The following CDKAL1 variants were observed in gnomAD, a reference collection of about 807,000 sequenced individuals.
CDKAL1 encodes the protein threonylcarbamoyladenosine tRNA methylthiotransferase.
Under a neutral mutation model 68.2 loss-of-function variants are expected in CDKAL1, and 32 were observed. That is an observed-to-expected ratio of 0.47 (90% confidence interval 0.35 to 0.63). The LOEUF is 0.63. CDKAL1 is among the 30% of genes least tolerant of loss of function. The pLI, the probability that CDKAL1 is intolerant of heterozygous loss-of-function variation, is 0.00. For missense variants in CDKAL1, 606 were observed against 696.7 expected, an observed-to-expected ratio of 0.87 and a Z score of 1.47; for synonymous variants, 234 against 244.3, an observed-to-expected ratio of 0.96 and a Z score of 0.39.
intron 4 of CDKAL1, among the ~76,000 whole-genome samples, chr6:20,571,001 C>T (rs569435231): frequency 6.6e-6 from 1 of 152,224 alleles, no homozygotes; most frequent in South Asian, 2.1e-4. Context: ...ATATATTCTG[C>T]TGTGGGGATT....
chr6:20,603,768 ATT>A (rs745786047), intron 4 of CDKAL1, among the ~76,000 whole-genome samples: 5,803 of 84,516 alleles, frequency 0.069, 66 homozygotes, highest in Middle Eastern at 0.13. Flanking sequence ...CAGTTGCTAA[ATT>A]TTTTTTTTTT....
intron 4 of CDKAL1, among the ~76,000 whole-genome samples, chr6:20,611,244 G>A (rs1411113593): frequency 6.6e-6 from 1 of 152,022 alleles, no homozygotes; most frequent in Non-Finnish European, 1.5e-5. Flanking sequence ...CTGAGGTTTC[G>A]TGTCTTAGCC....
chr6:20,541,039 A>G (rs1404543695), intron 2 of CDKAL1, among the ~76,000 whole-genome samples: 1 of 152,190 alleles, frequency 6.6e-6, no homozygotes, highest in East Asian at 1.9e-4. Flanking sequence ...CATCCTGGAA[A>G]CTAGTGCAAT....
At chr6:20,907,128 T>C (rs2150612831) in intron 9 of CDKAL1, among the ~76,000 whole-genome samples, 1 of 152,276 alleles carries the variant, frequency 6.6e-6, no homozygotes, top group East Asian at 1.9e-4. Flanking sequence ...TTTGGCAAGA[T>C]GAAAAAGTTC....
rs1046492456 is a variant in CDKAL1 at position 21,206,538 on chromosome 6, A to C, written c.1548+5264A>C. Among the ~76,000 whole-genome samples the C allele has an allele frequency of 3.0e-4, 45 of 152,244 alleles. 2 individuals are homozygous for C. Among genetic ancestry groups the C allele is most frequent in the Non-Finnish European group, 8.8e-5 (6 of 68,046 alleles). ...AACTATTCTTTGCCTGGTACGAGAT[A>C]GAAAAGAACATTTTCTCTTCTAATT... On this transcript the variant is annotated intron_variant, in intron 15 of 15. Coordinates refer to ENST00000274695, the MANE Select transcript of CDKAL1 (RefSeq NM_017774.3).
chr6:21,038,864 TTTCTC>T (rs1226405426), intron 11 of CDKAL1, among the ~76,000 whole-genome samples: 4 of 152,220 alleles, frequency 2.6e-5, no homozygotes, highest in African/African-American at 7.2e-5. Flanking sequence ...AATTTTTACT[TTTCTC>T]ATCTATGAAT....
intron 7 of CDKAL1, among the ~76,000 whole-genome samples, chr6:20,763,574 T>C (rs1253297111): frequency 6.6e-6 from 1 of 152,196 alleles, no homozygotes; most frequent in Non-Finnish European, 1.5e-5. Context: ...ACCCTCTTGT[T>C]TCCACATTTG....
At chr6:20,703,797 A>C (rs1360027747) in intron 5 of CDKAL1, among the ~76,000 whole-genome samples, 1 of 152,300 alleles carries the variant, frequency 6.6e-6, no homozygotes, top group South Asian at 2.1e-4. Context: ...TAGTAAGTGT[A>C]AAAACATGAT....
chr6:20,721,108 C>G (rs1435189509), intron 5 of CDKAL1, among the ~76,000 whole-genome samples: 1 of 133,072 alleles, frequency 7.5e-6, no homozygotes, highest in Non-Finnish European at 1.6e-5. Flanking sequence ...CTATCCCACC[C>G]CCCTCCCCCT....
intron 4 of CDKAL1, among the ~76,000 whole-genome samples, chr6:20,554,037 C>G (rs1042558658): frequency 2.0e-5 from 3 of 152,216 alleles, no homozygotes; most frequent in Admixed American, 2.0e-4. Context: ...CCAGACTGGT[C>G]TAACTCCTGG....
chr6:21,226,344 ATTACT>A (rs1055715296), intron 15 of CDKAL1, among the ~76,000 whole-genome samples: 1 of 145,656 alleles, frequency 6.9e-6, no homozygotes, highest in Admixed American at 7.0e-5. Flanking sequence ...TAACAGATTG[ATTACT>A]TTGATAGGAT....
chr6:20,842,603 G>A (rs375720361), intron 8 of CDKAL1, among the ~76,000 whole-genome samples: 4 of 152,168 alleles, frequency 2.6e-5, no homozygotes, highest in Non-Finnish European at 5.9e-5. Flanking sequence ...AGGCCAAGGC[G>A]GGTGGATCAC....
At chr6:20,984,980 C>T (rs1330968438) in intron 10 of CDKAL1, among the ~76,000 whole-genome samples, 1 of 152,194 alleles carries the variant, frequency 6.6e-6, no homozygotes, top group Non-Finnish European at 1.5e-5. Context: ...CTCCCTATCA[C>T]TACTACTGTA....
At chr6:21,092,367 TTAA>T (rs1773082280) in intron 12 of CDKAL1, among the ~76,000 whole-genome samples, 1 of 151,836 alleles carries the variant, frequency 6.6e-6, no homozygotes, top group Non-Finnish European at 1.5e-5. Flanking sequence ...CATCTAGGTT[TTAA>T]GCCCCACAGG....
At chr6:20,970,190 A>T (rs2150752696) in intron 10 of CDKAL1, among the ~76,000 whole-genome samples, 1 of 152,214 alleles carries the variant, frequency 6.6e-6, no homozygotes, top group East Asian at 1.9e-4. Context: ...AAGAAGTTAC[A>T]ACTCTATTAT....
At chr6:20,709,054 G>A (rs968908995) in intron 5 of CDKAL1, among the ~76,000 whole-genome samples, 2 of 151,958 alleles carry the variant, frequency 1.3e-5, no homozygotes, top group African/African-American at 4.8e-5. Flanking sequence ...AAGCTCCAAG[G>A]GCAGGGGTTC....
chr6:20,743,384 T>C (rs1010523956), intron 6 of CDKAL1, among the ~76,000 whole-genome samples: 3 of 152,322 alleles, frequency 2.0e-5, no homozygotes, highest in East Asian at 1.9e-4. Context: ...GTGGGGATCA[T>C]TGGGTGAGCA....
In CDKAL1 at chr6:20,950,694, G is replaced by A. The variant is rs757804774; in HGVS notation, c.743-4725G>A. On this transcript the variant is annotated intron_variant, in intron 9 of 15. Coordinates refer to ENST00000274695, the MANE Select transcript of CDKAL1 (RefSeq NM_017774.3). ...AAAAGATGGGGAAGGGGCCAGACGCGGTGGCTCATGCCGGTAATCCCAGCA... is the reference window on the plus strand; with the variant it reads ...AAAAGATGGGGAAGGGGCCAGACGCAGTGGCTCATGCCGGTAATCCCAGCA... Among the ~76,000 whole-genome samples, 113 of 152,098 alleles carry A rather than the reference G, an allele frequency of 7.4e-4. 1 individual carries two copies. Among genetic ancestry groups the A allele is most frequent in the Non-Finnish European group, 7.1e-4 (48 of 68,018 alleles).
chr6:20,782,552 T>C (rs1409334224), intron 8 of CDKAL1, among the ~76,000 whole-genome samples: 3 of 152,318 alleles, frequency 2.0e-5, no homozygotes, highest in Middle Eastern at 3.4e-3. Flanking sequence ...ATTATCCTAT[T>C]TAAAATTGCA....
Sources: gnomAD v4.1 joint callset for allele counts (sites outside exome capture counted in the v4.1 genomes callset) on GRCh38, gnomAD v4.1.1 for gene constraint, MANE v1.5 for transcripts, NCBI Gene and HGNC (gene_info 2026-07-23, HGNC 2026-07-21) for gene names.